HSPA14: variants seen among roughly 807,000 people sequenced by gnomAD.
The protein encoded by HSPA14 is heat shock protein family A (Hsp70) member 14.
HSPA14 carries 37 observed loss-of-function variants against 65.5 expected under a neutral mutation model. The ratio of observed to expected loss-of-function variants is 0.56; its 90% CI spans 0.43 to 0.74. The LOEUF is 0.74. Among genes scored for constraint, HSPA14 ranks in the 30% least tolerant of loss-of-function variants. The probability of loss-of-function intolerance (pLI) is 0.00; values close to 1 mark genes in which losing one functional copy is unlikely to be tolerated. For missense variants in HSPA14, 564 were observed against 607.6 expected, an observed-to-expected ratio of 0.93 and a Z score of 0.75; for synonymous variants, 203 against 214.2, an observed-to-expected ratio of 0.95 and a Z score of 0.46.
In HSPA14 at chr10:14,867,267, A is replaced by C. The variant is rs1832815271; in HGVS notation, c.1178A>C (p.Glu393Ala). 2 of 1,613,398 alleles carry C rather than the reference A, an allele frequency of 1.2e-6. No homozygotes were observed. The highest frequency in any genetic ancestry group is 1.7e-5 in the Admixed American group (1 of 59,996). Residue 393 changes from glutamate to alanine, a missense_variant, in exon 11 of 14, where the codon GAG (glutamate) becomes GCG (alanine). Transcript: ENST00000378372. ...TTGGTGGAAGACTCTCTTATGATAG[A>C]GTGTTCAGCCAGAGATATTTTAGTT... ...NLLVEDSLMI[E>A]CSARDILVKG...
At chr10:14,865,105 C>T (rs1189434537) in intron 10 of HSPA14, among the ~76,000 whole-genome samples, 1 of 152,180 alleles carries the variant, frequency 6.6e-6, no homozygotes, top group Non-Finnish European at 1.5e-5. Flanking sequence ...TGTCTTTTGG[C>T]TGCATAAATG....
At chr10:14,846,948 T>C (rs775506576) in intron 3 of HSPA14, 2 of 985,410 alleles carry the variant, frequency 2.0e-6, no homozygotes, top group Non-Finnish European at 2.4e-6. Context: ...CCACCTTTGT[T>C]TTTCTGTTCG....
chr10:14,870,756 C>A, intron 13 of HSPA14, 89 bp downstream of exon 13: 2 of 1,184,184 alleles, frequency 1.7e-6, no homozygotes, highest in Non-Finnish European at 1.1e-6. Flanking sequence ...TATTGTCATT[C>A]TAGAAGAAAC....
In HSPA14 at chr10:14,867,892, G is replaced by A; in HGVS notation, c.1363G>A (p.Glu455Lys). The A allele has an allele frequency of 6.2e-7, 1 of 1,613,352 alleles. No individual in the cohort carries two copies. Among genetic ancestry groups the A allele is most frequent in the Non-Finnish European group, 8.5e-7 (1 of 1,179,800 alleles). Reference protein sequence around the residue: ...ESDGKNSAKEETKFAQVVLQD... With the variant: ...ESDGKNSAKEKTKFAQVVLQD... Reference sequence around the variant, plus strand: ...TGATGGGAAGAACTCTGCCAAAGAGGAAACCAAGTTTGCACAGGTGAATAC... The same window carrying A: ...TGATGGGAAGAACTCTGCCAAAGAGAAAACCAAGTTTGCACAGGTGAATAC... Residue 455 changes from glutamate (E) to lysine (K), a missense_variant, in exon 12 of 14, where the codon GAA becomes AAA. Coordinates refer to ENST00000378372, the MANE Select transcript of HSPA14 (RefSeq NM_016299.4).
intron 3 of HSPA14, chr10:14,846,922 G>A: frequency 3.0e-6 from 3 of 985,414 alleles, no homozygotes; most frequent in South Asian, 4.7e-5. Flanking sequence ...AAGGTGCTAT[G>A]TATACCAACT....
At chr10:14,867,998 T>C (rs1313646042) in intron 12 of HSPA14, 89 bp downstream of exon 12, 4 of 1,009,658 alleles carry the variant, frequency 4.0e-6, no homozygotes, top group African/African-American at 3.3e-5. Flanking sequence ...AATGTGTATA[T>C]ATATAAAGGA....
rs533361855 is a variant in HSPA14 at position 14,850,035 on chromosome 10, G to T, written c.467+224G>T. Among the ~76,000 whole-genome samples, 843 of 152,190 alleles carry T rather than the reference G, an allele frequency of 5.5e-3. 6 individuals carry two copies. The highest frequency in any genetic ancestry group is 0.015 in the African/African-American group (612 of 41,506). On this transcript the variant is annotated intron_variant, in intron 6 of 13. Coordinates refer to ENST00000378372, the MANE Select transcript of HSPA14 (RefSeq NM_016299.4). ...ATCCCAACACTTTGGGACACTGACG[G>T]GGGGGCGGCGGGTGGACCACCTGAG...
At chr10:14,870,746 T>C in intron 13 of HSPA14, 79 bp downstream of exon 13, 1 of 1,267,490 alleles carries the variant, frequency 7.9e-7, no homozygotes, top group Non-Finnish European at 1.1e-6. Context: ...TTTTTTTATT[T>C]ATTGTCATTC....
intron 10 of HSPA14, among the ~76,000 whole-genome samples, chr10:14,859,072 G>C (rs181841209): frequency 2.4e-4 from 36 of 152,130 alleles, no homozygotes; most frequent in Non-Finnish European, 3.5e-4. Flanking sequence ...AGAGCTTCAG[G>C]GTTCCTACTC....
chr10:14,846,703 G>C (rs1834059092), intron 3 of HSPA14: 3 of 974,744 alleles, frequency 3.1e-6, no homozygotes, highest in Non-Finnish European at 3.7e-6. Flanking sequence ...ACAGATGAAT[G>C]TATGAGCACT....
At chr10:14,864,395 A>G (rs916014750) in intron 10 of HSPA14, among the ~76,000 whole-genome samples, 2 of 151,208 alleles carry the variant, frequency 1.3e-5, no homozygotes, top group East Asian at 1.9e-4. Context: ...GGTTGGTTAC[A>G]TATGTACACA....
At chr10:14,839,680 T>G (rs1833945544) in intron 1 of HSPA14, among the ~76,000 whole-genome samples, 1 of 152,224 alleles carries the variant, frequency 6.6e-6, no homozygotes, top group Non-Finnish European at 1.5e-5. Flanking sequence ...TACTTTTGAT[T>G]CAATTGTTGA....
At chr10:14,846,278 GAGTT>G (rs1277879276) in intron 3 of HSPA14, 11 of 985,392 alleles carry the variant, frequency 1.1e-5, no homozygotes, top group Non-Finnish European at 1.3e-5. Flanking sequence ...ACTTGACGGA[GAGTT>G]AGGCCTGTAT....
intron 10 of HSPA14, among the ~76,000 whole-genome samples, chr10:14,860,823 C>T (rs532131448): frequency 2.0e-5 from 3 of 152,168 alleles, no homozygotes; most frequent in Middle Eastern, 3.4e-3. Context: ...CACATGTACT[C>T]TTTAAAGCCA....
rs1290121282 is a variant in HSPA14 at position 14,838,439 on chromosome 10, G to A, written c.37G>A (p.Ala13Thr). The part of the protein sequence containing the change: ...AIGVHLGCTS[A>T]CVAVYKDGRA... ...CGGAGTTCACCTGGGCTGCACCTCAGCCTGTGTGGCCGTCTATAAGGTGAG... is the reference window on the plus strand; with the variant it reads ...CGGAGTTCACCTGGGCTGCACCTCAACCTGTGTGGCCGTCTATAAGGTGAG... The change falls in exon 1 of 14, where the codon GCC becomes ACC. Residue 13 changes from alanine to threonine, a missense_variant. By Grantham distance (58) the Ala-to-Thr change is moderately conservative. Transcript: ENST00000378372. 1 of 1,606,124 alleles carries A rather than the reference G, an allele frequency of 6.2e-7. No individual in the cohort carries two copies. Among genetic ancestry groups the A allele is most frequent in the South Asian group, 1.1e-5 (1 of 89,956 alleles).
chr10:14,867,117 A>C lies in HSPA14; in HGVS notation c.1028A>C (p.Lys343Thr), dbSNP rs1272895518. The change falls in exon 11 of 14, where the codon AAG becomes ACG. Residue 343 changes from lysine to threonine, a missense_variant. Physicochemically the swap from Lys to Thr is moderately conservative, Grantham distance 78. Transcript: ENST00000378372. The stretch of plus-strand genomic sequence containing the variant: ...TGTGGAGGGTCTTCTCGAATCCCAA[A>C]GCTACAGCAACTGATTAAAGATCTT... ...VLCGGSSRIP[K>T]LQQLIKDLFP... 1 of 1,613,658 alleles carries C rather than the reference A, an allele frequency of 6.2e-7. No homozygotes were observed. Among genetic ancestry groups the C allele is most frequent in the Non-Finnish European group, 8.5e-7 (1 of 1,179,756 alleles).
At chr10:14,869,684 G>C (rs1252757087) in intron 12 of HSPA14, among the ~76,000 whole-genome samples, 1 of 152,182 alleles carries the variant, frequency 6.6e-6, no homozygotes, top group Non-Finnish European at 1.5e-5. Flanking sequence ...TACCAACTTG[G>C]AATCTATTGG....
At chr10:14,855,052 C>G (rs971423865) in intron 9 of HSPA14, among the ~76,000 whole-genome samples, 7 of 152,128 alleles carry the variant, frequency 4.6e-5, no homozygotes, top group African/African-American at 1.7e-4. Context: ...GTGTATTTTT[C>G]TAGTTCCAGA....
At chr10:14,871,375 C>T (rs1779618782) in intron 13 of HSPA14, among the ~76,000 whole-genome samples, 153 bp from the exon 14 acceptor site, 1 of 152,172 alleles carries the variant, frequency 6.6e-6, no homozygotes, top group African/African-American at 2.4e-5. Context: ...AATTTAGAGA[C>T]ACTGAGATTG....
Sources: allele counts gnomAD v4.1 joint callset (sites outside exome capture counted in the v4.1 genomes callset), GRCh38; gene constraint gnomAD v4.1.1; transcripts MANE v1.5; gene names NCBI Gene and HGNC (gene_info 2026-07-23, HGNC 2026-07-21).